Variants in HLCS observed in about 807,000 individuals in gnomAD.
The protein encoded by HLCS is holocarboxylase synthetase.
In HLCS, 53 loss-of-function variants were observed where a neutral mutation model predicts 75.0. The ratio of observed to expected loss-of-function variants is 0.71; its 90% CI spans 0.57 to 0.89. HLCS has a LOEUF of 0.89. Ranked by LOEUF, HLCS falls within the 40% of genes least tolerant of loss-of-function variation. The pLI, the probability that HLCS is intolerant of heterozygous loss-of-function variation, is 0.00. For missense variants in HLCS, 966 were observed against 1,074.0 expected (o/e 0.90, Z 1.41); for synonymous variants, 431 against 428.6 (o/e 1.01, Z -0.07).
At chr21:36,830,191 C>CA (rs1312135576) in intron 6 of HLCS, among the ~76,000 whole-genome samples, 1 of 152,142 alleles carries the variant, frequency 6.6e-6, no homozygotes, top group Non-Finnish European at 1.5e-5. Flanking sequence ...GAGCCTCTCT[C>CA]ACGGCCTCAG....
At chr21:36,819,934 C>T (rs1297014357) in intron 6 of HLCS, among the ~76,000 whole-genome samples, 1 of 152,152 alleles carries the variant, frequency 6.6e-6, no homozygotes, top group South Asian at 2.1e-4. Flanking sequence ...ATGATAGGGT[C>T]AAGGATTTTA....
intron 6 of HLCS, among the ~76,000 whole-genome samples, chr21:36,841,472 G>A (rs764375887): frequency 3.3e-5 from 5 of 152,214 alleles, no homozygotes; most frequent in Non-Finnish European, 7.3e-5. Flanking sequence ...GATGGCCTCT[G>A]CCACGTGATC....
At chr21:36,817,793 C>T (rs1374083412) in intron 6 of HLCS, among the ~76,000 whole-genome samples, 1 of 152,206 alleles carries the variant, frequency 6.6e-6, no homozygotes, top group African/African-American at 2.4e-5. Flanking sequence ...TGCAATTGTT[C>T]AATTTGCAAA....
In HLCS at chr21:36,914,372, G is replaced by A. The variant is rs1387767301; in HGVS notation, c.1620+15879C>T. Among the ~76,000 whole-genome samples, 2 of 152,206 alleles carry A rather than the reference G, an allele frequency of 1.3e-5. 1 individual carries two copies. Among genetic ancestry groups the A allele is most frequent in the Admixed American group, 1.3e-4 (2 of 15,282 alleles). ...GATGTCATTGGCTATCTAACCCCCA[G>A]GAATATGAGTTCCTCCAGGGCTGAA... On this transcript the variant is annotated intron_variant, in intron 5 of 10. Coordinates refer to ENST00000674895, the MANE Select transcript of HLCS (RefSeq NM_001352514.2).
chr21:36,767,765 C>A (rs1029453024), intron 6 of HLCS, among the ~76,000 whole-genome samples: 2 of 152,118 alleles, frequency 1.3e-5, no homozygotes, highest in African/African-American at 4.8e-5. Flanking sequence ...AATATGGTGG[C>A]AATAAAGCCG....
intron 1 of HLCS, among the ~76,000 whole-genome samples, chr21:36,983,920 C>G (rs1489866323): frequency 6.6e-6 from 1 of 151,954 alleles, no homozygotes; most frequent in African/African-American, 2.4e-5. Context: ...ACTGTAGCCT[C>G]AAACTCCTGT....
At chr21:36,954,970 G>A (rs1317013474) in intron 2 of HLCS, among the ~76,000 whole-genome samples, 2 of 152,196 alleles carry the variant, frequency 1.3e-5, no homozygotes, top group Non-Finnish European at 2.9e-5. Context: ...GCTGAGGCAG[G>A]AGAATTGCTG....
intron 9 of HLCS, chr21:36,759,112 G>C: frequency 4.2e-6 from 2 of 471,150 alleles, no homozygotes; most frequent in South Asian, 3.1e-5. Context: ...GAAACACATG[G>C]TTACATGTTT....
intron 6 of HLCS, among the ~76,000 whole-genome samples, chr21:36,889,905 C>T (rs983072537): frequency 6.6e-6 from 1 of 152,220 alleles, no homozygotes; most frequent in African/African-American, 2.4e-5. Context: ...TGCCCCCACA[C>T]AAATCTCATC....
chr21:36,881,262 G>A (rs1366674499), intron 6 of HLCS, among the ~76,000 whole-genome samples: 1 of 152,074 alleles, frequency 6.6e-6, no homozygotes, highest in African/African-American at 2.4e-5. Flanking sequence ...GAGCCACCAC[G>A]CCTGGCCCGG....
chr21:36,950,392 T>G (rs957708801), intron 2 of HLCS, among the ~76,000 whole-genome samples: 1 of 151,976 alleles, frequency 6.6e-6, no homozygotes, highest in South Asian at 2.1e-4. Context: ...AAGTGGAACA[T>G]ACGTGCATTG....
chr21:36,936,408 C>T (rs766377811), intron 4 of HLCS, 41 bp downstream of exon 4: 1 of 1,540,052 alleles, frequency 6.5e-7, no homozygotes, highest in Admixed American at 1.7e-5. Context: ...AAAATACCCA[C>T]AGATACCCAA....
chr21:36,857,546 A>T (rs1397646049), intron 6 of HLCS, among the ~76,000 whole-genome samples: 1 of 152,188 alleles, frequency 6.6e-6, no homozygotes, highest in Non-Finnish European at 1.5e-5. Flanking sequence ...AGGCTTGGTA[A>T]GAAGATGAGC....
Position 36,760,528 on chromosome 21 carries a change from C to T in HLCS, c.2122-687G>A, listed in dbSNP as rs902336035. ...GAGAGGCTGAGGCAGGAGAATTGTG[C>T]GAACCCGGGAGGCGGAGGTTGCAGC... On this transcript the variant is annotated intron_variant, in intron 8 of 10. Coordinates refer to ENST00000674895, the MANE Select transcript of HLCS (RefSeq NM_001352514.2). Among the ~76,000 whole-genome samples the T allele has an allele frequency of 4.6e-5, 7 of 151,216 alleles. No individual in the cohort carries two copies. The East Asian group carries it at 5.8e-4, about 13-fold the overall frequency.
chr21:36,833,345 G>A (rs2062282034), intron 6 of HLCS, among the ~76,000 whole-genome samples: 1 of 151,078 alleles, frequency 6.6e-6, no homozygotes, highest in African/African-American at 2.4e-5. Flanking sequence ...AGCACTTTGG[G>A]AGGCCAAGGT....
intron 1 of HLCS, among the ~76,000 whole-genome samples, chr21:36,973,064 C>CCA (rs68148017): frequency 6.7e-6 from 1 of 150,362 alleles, no homozygotes; most frequent in Admixed American, 6.6e-5. Flanking sequence ...AAAAAAAAAA[C>CCA]AAAACATTTT....
intron 6 of HLCS, among the ~76,000 whole-genome samples, chr21:36,838,809 A>G (rs964519070): frequency 2.0e-5 from 3 of 152,340 alleles, no homozygotes; most frequent in Non-Finnish European, 4.4e-5. Context: ...AAATAGCCAC[A>G]AGCCAAGGAA....
intron 5 of HLCS, among the ~76,000 whole-genome samples, chr21:36,897,673 A>G (rs986624656): frequency 2.0e-5 from 3 of 152,180 alleles, no homozygotes; most frequent in African/African-American, 7.2e-5. Flanking sequence ...CAAAGAAGAC[A>G]ATAATCTTCA....
chr21:36,947,442 TAC>T (rs2067458240), intron 2 of HLCS: 1 of 985,414 alleles, frequency 1.0e-6, no homozygotes, highest in Non-Finnish European at 1.2e-6. Flanking sequence ...CTGTCACTGA[TAC>T]GTCGTCCAGG....
Sources: gnomAD v4.1 joint callset for allele counts (sites outside exome capture counted in the v4.1 genomes callset) on GRCh38, gnomAD v4.1.1 for gene constraint, MANE v1.5 for transcripts, NCBI Gene and HGNC (gene_info 2026-07-23, HGNC 2026-07-21) for gene names.